ADAM22: variants seen among roughly 807,000 people sequenced by gnomAD.
ADAM22 encodes ADAM metallopeptidase domain 22.
In ADAM22, 65 loss-of-function variants were observed where a neutral mutation model predicts 144.6. The ratio of observed to expected loss-of-function variants is 0.45; its 90% CI spans 0.37 to 0.55. The LOEUF (loss-of-function observed/expected upper bound fraction) is 0.55, where lower values mean the gene tolerates loss of function less well. Ranked by LOEUF, ADAM22 falls within the 20% of genes least tolerant of loss-of-function variation. The pLI, the probability that ADAM22 is intolerant of heterozygous loss-of-function variation, is 0.00. For synonymous variants in ADAM22, 391 were observed against 412.6 expected (o/e 0.95, Z 0.63); for missense variants, 974 against 1,184.9 (o/e 0.82, Z 2.61).
chr7:87,958,858 A>G (rs1466638014), intron 2 of ADAM22, among the ~76,000 whole-genome samples: 5 of 151,536 alleles, frequency 3.3e-5, no homozygotes, highest in Non-Finnish European at 7.4e-5. Flanking sequence ...TTTCTTGTCG[A>G]TTTTTGGCAT....
rs368633786 is a variant in ADAM22 at position 88,151,356 on chromosome 7, A to G, written c.1681+36A>G. The G allele has an allele frequency of 8.1e-6, 13 of 1,609,962 alleles. No homozygotes were observed. The African/African-American group carries it at 1.2e-4, about 15-fold the overall frequency. On this transcript the variant is annotated intron_variant, in intron 20 of 31. Coordinates refer to ENST00000413139, the MANE Select transcript of ADAM22 (RefSeq NM_001324418.2). The stretch of plus-strand genomic sequence containing the variant: ...AGTGTGGCTTGATCATTGTTAAAGC[A>G]TGATGTCAGGCGGACTTCTCAAGGA...
chr7:88,017,390 TATA>T (rs1251221725), intron 3 of ADAM22, among the ~76,000 whole-genome samples: 1 of 152,190 alleles, frequency 6.6e-6, no homozygotes, highest in African/African-American at 2.4e-5. Flanking sequence ...CATAAATATG[TATA>T]ATTATTATGC....
chr7:88,031,980 G>C (rs1414566152), intron 3 of ADAM22, among the ~76,000 whole-genome samples: 1 of 152,222 alleles, frequency 6.6e-6, no homozygotes, highest in African/African-American at 2.4e-5. Flanking sequence ...GGGTGCCTCT[G>C]CCTAGATTTC....
At chr7:88,067,231 T>C (rs1811477849) in intron 3 of ADAM22, among the ~76,000 whole-genome samples, 1 of 151,610 alleles carries the variant, frequency 6.6e-6, no homozygotes, top group African/African-American at 2.4e-5. Flanking sequence ...GTGTGTTCCC[T>C]GGTACCTTGG....
chr7:88,042,877 C>T (rs1199820935), intron 3 of ADAM22, among the ~76,000 whole-genome samples: 1 of 150,790 alleles, frequency 6.6e-6, no homozygotes, highest in Non-Finnish European at 1.5e-5. Flanking sequence ...GATATTTCTT[C>T]CTATTTCCTT....
At chr7:87,950,385 G>A (rs1367892409) in intron 2 of ADAM22, among the ~76,000 whole-genome samples, 1 of 145,080 alleles carries the variant, frequency 6.9e-6, no homozygotes, top group Non-Finnish European at 1.5e-5. Flanking sequence ...GAGAACATGC[G>A]GTGTTTGGTT....
intron 4 of ADAM22, among the ~76,000 whole-genome samples, chr7:88,107,115 A>G (rs1468731882): frequency 6.6e-6 from 1 of 151,272 alleles, no homozygotes; most frequent in Admixed American, 6.6e-5. Context: ...AATATAATTT[A>G]GTGACTCTCA....
intron 3 of ADAM22, among the ~76,000 whole-genome samples, chr7:88,075,142 G>A (rs574908082): frequency 2.6e-5 from 4 of 152,266 alleles, no homozygotes; most frequent in Non-Finnish European, 1.5e-5. Context: ...TTCAAATGTT[G>A]ATGGTATATA....
intron 3 of ADAM22, among the ~76,000 whole-genome samples, chr7:88,026,492 T>C (rs1799062469): frequency 6.6e-6 from 1 of 152,226 alleles, no homozygotes; most frequent in African/African-American, 2.4e-5. Context: ...CACTGGGAAT[T>C]ACAAATTGAC....
intron 4 of ADAM22, among the ~76,000 whole-genome samples, chr7:88,088,740 C>T (rs1400934802): frequency 6.6e-6 from 1 of 152,058 alleles, no homozygotes; most frequent in Non-Finnish European, 1.5e-5. Flanking sequence ...TTGAATAACT[C>T]GAAAGGTACA....
intron 3 of ADAM22, among the ~76,000 whole-genome samples, chr7:88,020,218 A>G (rs2129465201): frequency 6.6e-6 from 1 of 152,342 alleles, no homozygotes; most frequent in South Asian, 2.1e-4. Flanking sequence ...CTAACTGCAA[A>G]TGTAAAAGAA....
intron 3 of ADAM22, among the ~76,000 whole-genome samples, chr7:88,069,901 T>A (rs756764839): frequency 6.6e-6 from 1 of 152,224 alleles, no homozygotes; most frequent in Non-Finnish European, 1.5e-5. Flanking sequence ...TCTCCTGCTT[T>A]GGCAGAAGGG....
At chr7:88,113,703 A>AATTTGTATAT (rs1554478727) in intron 5 of ADAM22, among the ~76,000 whole-genome samples, 1 of 48,106 alleles carries the variant, frequency 2.1e-5, no homozygotes, top group African/African-American at 8.0e-5. Context: ...TAAATAAATA[A>AATTTGTATAT]ATATATATAT....
At chr7:88,135,116 A>G (rs904429196) in intron 13 of ADAM22, among the ~76,000 whole-genome samples, 1 of 151,692 alleles carries the variant, frequency 6.6e-6, no homozygotes, top group African/African-American at 2.4e-5. Flanking sequence ...TGTCTATACT[A>G]GAAATAGAAA....
Position 87,934,298 on chromosome 7 carries a change from A to T in ADAM22, c.-168A>T, listed in dbSNP as rs1312887345. ...CGGAAGCGTCCGCGAAGCACAATGC[A>T]GCACTGAGCCGCGGTGGAGGTTGCA... On this transcript the variant is annotated 5_prime_UTR_variant, in exon 1 of 32. Coordinates refer to ENST00000413139, the MANE Select transcript of ADAM22 (RefSeq NM_001324418.2). The T allele has an allele frequency of 6.8e-6, 4 of 591,898 alleles. No homozygotes were observed. The highest frequency in any genetic ancestry group is 8.5e-6 in the Non-Finnish European group (3 of 351,162). The allele number at this position is 591,898 out of a possible 1,614,324, so 36.7% of individuals were successfully genotyped here.
chr7:87,944,587 A>G (rs1055603196), intron 2 of ADAM22, among the ~76,000 whole-genome samples: 3 of 152,162 alleles, frequency 2.0e-5, no homozygotes, highest in Non-Finnish European at 4.4e-5. Context: ...TACCTGAGGA[A>G]TGATCTAGGA....
chr7:88,110,890 C>T, intron 5 of ADAM22, among the ~76,000 whole-genome samples: 1 of 129,094 alleles, frequency 7.7e-6, no homozygotes, highest in Non-Finnish European at 1.6e-5. Context: ...TTACAGGTGG[C>T]TGCCAGCATG....
intron 3 of ADAM22, among the ~76,000 whole-genome samples, chr7:87,986,465 A>G (rs2129450647): frequency 6.6e-6 from 1 of 152,332 alleles, no homozygotes; most frequent in South Asian, 2.1e-4. Flanking sequence ...GACCAGTACT[A>G]AAGCTAAGAC....
chr7:88,162,190 G>A (rs1404760347), intron 22 of ADAM22, among the ~76,000 whole-genome samples: 2 of 151,134 alleles, frequency 1.3e-5, no homozygotes, highest in East Asian at 2.0e-4. Context: ...ACAGGGACAT[G>A]GATGGAGCTG....
Sources: allele counts gnomAD v4.1 joint callset (sites outside exome capture counted in the v4.1 genomes callset), GRCh38; gene constraint gnomAD v4.1.1; transcripts MANE v1.5; gene names NCBI Gene and HGNC (gene_info 2026-07-23, HGNC 2026-07-21).